ATP6V0A2: variants seen among roughly 807,000 people sequenced by gnomAD.
ATP6V0A2 encodes V-type proton ATPase 116 kDa subunit a 2.
Under a neutral mutation model 104.4 loss-of-function variants are expected in ATP6V0A2, and 58 were observed. The observed-to-expected ratio is 0.56, with a 90% CI of 0.45 to 0.69. The LOEUF (loss-of-function observed/expected upper bound fraction) is 0.69, where lower values mean the gene tolerates loss of function less well. Among genes scored for constraint, ATP6V0A2 ranks in the 30% least tolerant of loss-of-function variants. The pLI is 0.00. For synonymous variants in ATP6V0A2, 376 were observed against 397.9 expected, an observed-to-expected ratio of 0.95 and a Z score of 0.65; for missense variants, 938 against 1,062.9, an observed-to-expected ratio of 0.88 and a Z score of 1.63.
At chr12:123,719,235 T>G (rs1956373254) in intron 2 of ATP6V0A2, among the ~76,000 whole-genome samples, 2 of 152,304 alleles carry the variant, frequency 1.3e-5, no homozygotes, top group South Asian at 4.1e-4. Flanking sequence ...CAGTGCTGAT[T>G]GTTAACCATT....
In ATP6V0A2 at chr12:123,757,938, A is replaced by G; in HGVS notation, c.2477A>G (p.Gln826Arg). The G allele has an allele frequency of 6.3e-7, 1 of 1,593,212 alleles. No homozygotes were observed. The highest frequency in any genetic ancestry group is 8.5e-7 in the Non-Finnish European group (1 of 1,170,380). ...HAIRLHWVEF[Q>R]NKFYVGAGTK... ...TTTTTTTTTTTTAGGGTAGAATTTC[A>G]GAACAAATTCTACGTTGGTGCAGGC... The change falls in exon 20 of 20, where the codon CAG (glutamine) becomes CGG (arginine). Residue 826 changes from glutamine to arginine, a missense_variant. Coordinates refer to ENST00000330342, the MANE Select transcript of ATP6V0A2 (RefSeq NM_012463.4).
Position 123,735,624 on chromosome 12 carries a change from TGTGA to T in ATP6V0A2, c.825+3_825+6del, listed in dbSNP as rs1285595520. ...ACACCCGCATCCAGGATCTCTACAC[TGTGA>T]GTAAGCTGGAAGTGGATTGCCTCTT... is the stretch of plus-strand genomic sequence containing the variant. On this transcript the variant is annotated splice_donor_variant and splice_donor_region_variant and intron_variant, in intron 8 of 19. Transcript: ENST00000330342. LOFTEE classifies it high-confidence loss of function. 8 of 1,611,984 alleles carry T rather than the reference TGTGA, an allele frequency of 5.0e-6. No homozygotes were observed. Among genetic ancestry groups the T allele is most frequent in the Non-Finnish European group, 6.8e-6 (8 of 1,178,234 alleles).
At position 123,712,520 on chromosome 12, in the gene ATP6V0A2, AGCC is replaced by A; in HGVS notation, c.-36_-34del. ...GAGTGTGCGGGCCCGCGCGGCTCGG[AGCC>A]GCCGCCGCCCATCGAGCCCCTCCGG... On this transcript the variant is annotated 5_prime_UTR_variant, in exon 1 of 20. Transcript: ENST00000330342. The A allele has an allele frequency of 5.5e-6, 8 of 1,445,938 alleles. No individual in the cohort carries two copies. Among genetic ancestry groups the A allele is most frequent in the Non-Finnish European group, 6.5e-6 (7 of 1,070,558 alleles). 89.6% of individuals were successfully genotyped at this position (1,445,938 alleles called of 1,614,324 possible). A position where few individuals can be genotyped will look rare whatever the true frequency, so the allele number is the denominator to read the frequency against.
chr12:123,713,486 T>G (rs1258188984), intron 1 of ATP6V0A2, among the ~76,000 whole-genome samples: 1 of 152,116 alleles, frequency 6.6e-6, no homozygotes, highest in Non-Finnish European at 1.5e-5. Context: ...CTTAACGCAG[T>G]CCTTGGCAGT....
intron 2 of ATP6V0A2, among the ~76,000 whole-genome samples, chr12:123,720,970 C>T (rs1467010224): frequency 6.6e-6 from 1 of 152,060 alleles, no homozygotes; most frequent in African/African-American, 2.4e-5. Flanking sequence ...CTTGGTAAGA[C>T]AGTTTCTTTT....
chr12:123,745,769 C>T (rs1006605756), intron 13 of ATP6V0A2, among the ~76,000 whole-genome samples: 1 of 151,402 alleles, frequency 6.6e-6, no homozygotes, highest in East Asian at 1.9e-4. Context: ...CCAACCCCTT[C>T]GAGGGCTCAG....
At chr12:123,713,126 C>T (rs2135871712) in intron 1 of ATP6V0A2, among the ~76,000 whole-genome samples, 1 of 152,090 alleles carries the variant, frequency 6.6e-6, no homozygotes, top group East Asian at 1.9e-4. Context: ...AAGGGATTGT[C>T]GAGGAAGCCT....
Position 123,743,872 on chromosome 12 carries a change from A to G in ATP6V0A2, c.1126A>G (p.Thr376Ala), listed in dbSNP as rs1381866878. 31 of 1,614,056 alleles carry G rather than the reference A, an allele frequency of 1.9e-5. No individual in the cohort carries two copies. Among genetic ancestry groups the G allele is most frequent in the Non-Finnish European group, 2.2e-5 (26 of 1,180,038 alleles). ...CACTCGGATCCGCACCAACAAATTC[A>G]CCGAGGGATTTCAGAACATCGTGGA... ...PPTRIRTNKF[T>A]EGFQNIVDAY... is the part of the protein sequence containing the mutation. Residue 376 changes from threonine (T) to alanine (A), a missense_variant, in exon 10 of 20, where the codon ACC (threonine) becomes GCC (alanine). Thr to Ala is a moderately conservative substitution (Grantham distance 58). Coordinates refer to ENST00000330342, the MANE Select transcript of ATP6V0A2 (RefSeq NM_012463.4).
intron 2 of ATP6V0A2, among the ~76,000 whole-genome samples, chr12:123,719,159 A>G (rs1216021456): frequency 2.0e-5 from 3 of 152,228 alleles, no homozygotes; most frequent in African/African-American, 7.2e-5. Flanking sequence ...GAGGCGGGAA[A>G]TGGAAGATAG....
At chr12:123,748,908 T>C (rs1163320276) in intron 15 of ATP6V0A2, 123 bp downstream of exon 15, 1 of 975,850 alleles carries the variant, frequency 1.0e-6, no homozygotes, top group Non-Finnish European at 1.6e-6. Context: ...TGTCTCTGCA[T>C]GTGTCATCAC....
chr12:123,727,998 AT>A, intron 6 of ATP6V0A2, 89 bp downstream of exon 6: 1 of 1,558,746 alleles, frequency 6.4e-7, no homozygotes, highest in Non-Finnish European at 8.8e-7. Flanking sequence ...CTCCTGAACC[AT>A]TTGATAATAA....
intron 7 of ATP6V0A2, among the ~76,000 whole-genome samples, chr12:123,734,484 C>T (rs1956532131): frequency 1.3e-5 from 2 of 152,230 alleles, no homozygotes; most frequent in South Asian, 4.1e-4. Flanking sequence ...GGACAAGTGA[C>T]CAAGCCTCAG....
intron 7 of ATP6V0A2, 92 bp from the exon 8 acceptor site, chr12:123,735,439 A>G: frequency 8.1e-7 from 1 of 1,239,760 alleles, no homozygotes; most frequent in Non-Finnish European, 1.2e-6. Flanking sequence ...GGCTGCTTTC[A>G]TTCCGTTTTG....
chr12:123,729,227 A>G (rs916656145), intron 6 of ATP6V0A2, among the ~76,000 whole-genome samples: 1 of 151,024 alleles, frequency 6.6e-6, no homozygotes, highest in Admixed American at 6.6e-5. Context: ...TGTTCCCATC[A>G]CTTTTTGAGC....
chr12:123,727,730 T>C, intron 5 of ATP6V0A2, 53 bp from the exon 6 acceptor site: 2 of 1,609,862 alleles, frequency 1.2e-6, no homozygotes, highest in South Asian at 1.1e-5. Context: ...TAATGTAGTT[T>C]GATAACATTT....
chr12:123,728,822 C>T (rs1043997217), intron 6 of ATP6V0A2, among the ~76,000 whole-genome samples: 2 of 151,232 alleles, frequency 1.3e-5, no homozygotes, highest in Non-Finnish European at 3.0e-5. Flanking sequence ...CATTACTGGT[C>T]ATGGTCCCTC....
At position 123,727,838 on chromosome 12, in the gene ATP6V0A2, TG is replaced by T; in HGVS notation, c.579del (p.Trp193Ter). ...AGTGGAAGCATTTGAAAAAATGTTGTGGAGAGTCTGCAAAGGGTACACCATC... is the reference window on the plus strand; with the variant it reads ...AGTGGAAGCATTTGAAAAAATGTTGTGAGAGTCTGCAAAGGGTACACCATC... ...GKVEAFEKML[W>X]RVCKGYTIVS... On this transcript the variant is annotated frameshift_variant, in exon 6 of 20. Coordinates refer to ENST00000330342, the MANE Select transcript of ATP6V0A2 (RefSeq NM_012463.4). LOFTEE classifies it high-confidence loss of function. 6.2e-7 allele frequency: 1 copy of T among 1,614,188 alleles called. No individual in the cohort carries two copies. The highest frequency in any genetic ancestry group is 8.5e-7 in the Non-Finnish European group (1 of 1,180,026).
In ATP6V0A2 at chr12:123,752,299, T is replaced by C. The variant is rs144946016; in HGVS notation, c.2072T>C (p.Ile691Thr). 324 of 1,614,140 alleles carry C rather than the reference T, an allele frequency of 2.0e-4. 3 individuals carry two copies. The East Asian group carries it at 6.2e-3, about 31-fold the overall frequency. Reference sequence around the variant, plus strand: ...GGTTGTTAGAGTGGCTACACACTTATAAGGAAAGATAGTGAGGAAGAAGTT... The same window carrying C: ...GGTTGTTAGAGTGGCTACACACTTACAAGGAAAGATAGTGAGGAAGAAGTT... ...FGVNRSGYTL[I>T]RKDSEEEVSL... The change falls in exon 17 of 20, where the codon ATA (isoleucine) becomes ACA (threonine). Residue 691 changes from isoleucine to threonine, a missense_variant. Ile to Thr is a moderately conservative substitution (Grantham distance 89, BLOSUM62 -1). Coordinates refer to ENST00000330342, the MANE Select transcript of ATP6V0A2 (RefSeq NM_012463.4).
chr12:123,754,957 C>T (rs2135921412), intron 18 of ATP6V0A2, among the ~76,000 whole-genome samples: 1 of 152,338 alleles, frequency 6.6e-6, no homozygotes, highest in South Asian at 2.1e-4. Flanking sequence ...TGCCACAGCA[C>T]TCATGGGTAG....
Sources: allele counts gnomAD v4.1 joint callset (sites outside exome capture counted in the v4.1 genomes callset), GRCh38; gene constraint gnomAD v4.1.1; transcripts MANE v1.5; gene names NCBI Gene and HGNC (gene_info 2026-07-23, HGNC 2026-07-21).